NR4A1: variants seen among roughly 807,000 people sequenced by gnomAD.
The protein encoded by NR4A1 is nuclear receptor subfamily 4immunitygroup A member 1.
A neutral mutation model predicts 47.5 loss-of-function variants in NR4A1; 24 were observed. The ratio of observed to expected loss-of-function variants is 0.50; its 90% CI spans 0.37 to 0.71. The LOEUF (loss-of-function observed/expected upper bound fraction) is 0.71, where lower values mean the gene tolerates loss of function less well. Ranked by LOEUF, NR4A1 falls within the 30% of genes least tolerant of loss-of-function variation. NR4A1 has a pLI of 0.00. For synonymous variants in NR4A1, 353 were observed against 345.7 expected (o/e 1.02, Z -0.24); for missense variants, 669 against 788.6 (o/e 0.85, Z 1.82).
At chr12:52,029,295 G>A (rs1487868452) in intron 1 of NR4A1, among the ~76,000 whole-genome samples, 1 of 152,220 alleles carries the variant, frequency 6.6e-6, no homozygotes, top group Admixed American at 6.5e-5. Context: ...GACCCTGCCT[G>A]TGCCCAGACC....
At chr12:52,049,711 A>G (rs1289706879), upstream of NR4A1, among the ~76,000 whole-genome samples, 2 of 152,230 alleles carry the variant, frequency 1.3e-5, no homozygotes, top group Non-Finnish European at 2.9e-5. Context: ...AGATGTTCCA[A>G]AAAAGAATTT....
chr12:52,048,349 C>T (rs186468897), upstream of NR4A1, among the ~76,000 whole-genome samples: 71 of 151,928 alleles, frequency 4.7e-4, no homozygotes, highest in African/African-American at 1.7e-3. Context: ...AATCCCAGCA[C>T]TTTGGGAGGC....
At chr12:52,022,916 T>G (rs2120886488) in exon 1 of NR4A1, 1 of 152,410 alleles carries the variant, frequency 6.6e-6, no homozygotes, top group Non-Finnish European at 1.5e-5. Context: ...AGCTGACACA[T>G]CTATGTCCTC....
Position 52,054,285 on chromosome 12 carries a change from A to G in NR4A1, c.-2-42A>G, listed in dbSNP as rs370720518. On this transcript the variant is annotated intron_variant, in intron 1 of 6. Coordinates refer to ENST00000394825, the MANE Select transcript of NR4A1 (RefSeq NM_173157.3). Reference sequence around the variant, plus strand: ...TGAGACAAGGCTATAGGCTTGTCCCACTGACTCTCCTTTCCCTCCCTGGGG... The same window carrying G: ...TGAGACAAGGCTATAGGCTTGTCCCGCTGACTCTCCTTTCCCTCCCTGGGG... The G allele has an allele frequency of 9.6e-4, 1,462 of 1,525,372 alleles. 1 individual carries two copies. The highest frequency in any genetic ancestry group is 1.2e-3 in the Non-Finnish European group (1,302 of 1,127,568). 94.5% of individuals were successfully genotyped at this position (1,525,372 alleles called of 1,614,324 possible). A position where few individuals can be genotyped will look rare whatever the true frequency, so the allele number is the denominator to read the frequency against.
intron 2 of NR4A1, chr12:52,055,532 A>C (rs1475455796): frequency 1.8e-6 from 1 of 549,822 alleles, no homozygotes; most frequent in African/African-American, 1.9e-5. Context: ...TCAAGGTTCT[A>C]GTGGGAAGGG....
At chr12:52,051,288 G>T, upstream of NR4A1, 1 of 441,742 alleles carries the variant, frequency 2.3e-6, no homozygotes, top group Non-Finnish European at 3.0e-6. Flanking sequence ...GGGCTCCCCG[G>T]GCCGCACCTC....
upstream of NR4A1, chr12:52,051,350 C>A: frequency 2.0e-6 from 2 of 982,840 alleles, no homozygotes; most frequent in Non-Finnish European, 2.4e-6. Flanking sequence ...CCTTGTATGG[C>A]CAAAGCTCGA....
chr12:52,025,135 C>G (rs1378357775), intron 1 of NR4A1, among the ~76,000 whole-genome samples: 2 of 151,392 alleles, frequency 1.3e-5, no homozygotes, highest in African/African-American at 4.9e-5. Context: ...CCCCGGCTCA[C>G]TGCACCCTCC....
chr12:52,032,227 C>T (rs1938142353), intron 1 of NR4A1, among the ~76,000 whole-genome samples: 1 of 152,182 alleles, frequency 6.6e-6, no homozygotes, highest in South Asian at 2.1e-4. Flanking sequence ...AAGAAGACCG[C>T]CCTCACCGCT....
intron 1 of NR4A1, 59 bp from the exon 2 acceptor site, chr12:52,054,268 G>T (rs776138571): frequency 2.8e-5 from 40 of 1,432,408 alleles, no homozygotes; most frequent in Non-Finnish European, 3.7e-5. Flanking sequence ...TTTGAGACAA[G>T]GCTATAGGCT....
intron 1 of NR4A1, among the ~76,000 whole-genome samples, chr12:52,025,117 T>C (rs1937976808): frequency 6.8e-6 from 1 of 147,912 alleles, no homozygotes. Context: ...TGGAGTGCAA[T>C]GGCACAACCC....
chr12:52,054,136 G>A (rs1939117669), intron 1 of NR4A1, 191 bp from the exon 2 acceptor site: 2 of 584,510 alleles, frequency 3.4e-6, no homozygotes, highest in East Asian at 5.7e-5. Context: ...GGGCTTTGTG[G>A]CACCTAGGTC....
chr12:52,027,502 G>C (rs1938022197), intron 1 of NR4A1, among the ~76,000 whole-genome samples: 1 of 152,276 alleles, frequency 6.6e-6, no homozygotes, highest in South Asian at 2.1e-4. Context: ...GCCTCTGGAT[G>C]CTGGGAGCCA....
At chr12:52,025,353 C>T (rs553515079) in intron 1 of NR4A1, among the ~76,000 whole-genome samples, 1 of 152,236 alleles carries the variant, frequency 6.6e-6, no homozygotes, top group Admixed American at 6.5e-5. Flanking sequence ...GAGCCACCGC[C>T]CCAGGCCTCT....
chr12:52,040,257 T>A (rs1201502155), intron 1 of NR4A1, among the ~76,000 whole-genome samples: 1 of 152,216 alleles, frequency 6.6e-6, no homozygotes, highest in Non-Finnish European at 1.5e-5. Context: ...GGGAAACAGA[T>A]ACCTGTTTGA....
exon 2 of NR4A1, chr12:52,041,874 CCT>C: frequency 6.5e-7 from 1 of 1,530,034 alleles, no homozygotes; most frequent in Non-Finnish European, 8.8e-7. Context: ...TCTGCTGGGC[CCT>C]GAAGGCAGAC....
At chr12:52,037,211 A>C (rs1938266893) in intron 1 of NR4A1, 3 of 229,578 alleles carry the variant, frequency 1.3e-5, no homozygotes, top group East Asian at 1.9e-4. Context: ...CGCGGCCGGA[A>C]CTGCGGGCGG....
At chr12:52,056,321 C>T in intron 3 of NR4A1, 162 bp downstream of exon 3, 1 of 1,370,372 alleles carries the variant, frequency 7.3e-7, no homozygotes, top group Non-Finnish European at 9.8e-7. Context: ...CCTACACCTG[C>T]CTGGATTGTG....
chr12:52,023,615 T>C (rs1937934552), intron 1 of NR4A1, among the ~76,000 whole-genome samples: 1 of 143,844 alleles, frequency 7.0e-6, no homozygotes, highest in South Asian at 2.2e-4. Context: ...GCCTCTGCAC[T>C]CTCAACCCCT....
Sources: allele counts gnomAD v4.1 joint callset (sites outside exome capture counted in the v4.1 genomes callset), GRCh38; gene constraint gnomAD v4.1.1; transcripts MANE v1.5; gene names NCBI Gene and HGNC (gene_info 2026-07-23, HGNC 2026-07-21).